Variants in ISM2 observed in about 807,000 individuals in gnomAD.
The protein encoded by ISM2 is isthmin-2.
Under a neutral mutation model 58.0 loss-of-function variants are expected in ISM2, and 50 were observed. The observed-to-expected ratio is 0.86, with a 90% confidence interval of 0.69 to 1.09. The LOEUF (loss-of-function observed/expected upper bound fraction) is 1.09. Among genes scored for constraint, ISM2 ranks in the 50% least tolerant of loss-of-function variants. The pLI is 0.00. For synonymous variants in ISM2, 303 were observed against 312.4 expected (o/e 0.97, Z 0.32); for missense variants, 723 against 745.0 (o/e 0.97, Z 0.34).
Position 77,484,452 on chromosome 14 carries a change from C to T in ISM2, c.498G>A (p.Glu166=). Residue 166 remains glutamate, a synonymous_variant, in exon 3 of 7, where the codon GAG becomes GAA. Coordinates refer to ENST00000342219, the MANE Select transcript of ISM2 (RefSeq NM_199296.3). The part of the protein sequence containing the change: ...LHQHGCWTVT[E]PAALTPGNAT... Reference sequence around the variant, plus strand: ...CATTCCCTGGGGTCAGGGCTGCTGGCTCAGTGACAGTCCAACATCCATGTT... The same window carrying T: ...CATTCCCTGGGGTCAGGGCTGCTGGTTCAGTGACAGTCCAACATCCATGTT... 2 of 1,611,998 alleles carry T rather than the reference C, an allele frequency of 1.2e-6. No homozygotes were observed. The highest frequency in any genetic ancestry group is 8.5e-7 in the Non-Finnish European group (1 of 1,179,184).
In ISM2 at chr14:77,478,313, T is replaced by C. The variant is rs1457897929; in HGVS notation, c.1127A>G (p.Lys376Arg). Residue 376 changes from lysine (K) to arginine (R), a missense_variant, in exon 6 of 7, where the codon AAG becomes AGG. Lys to Arg is a conservative substitution (Grantham distance 26). Transcript: ENST00000342219. ...CTCACTGGGGAGGCCCAAGGTGTCC[T>C]TGTCCTCAGTGCCTTTGGGAGGAAA... ...DLPSCPGTED[K>R]DTLGLPSEEW... The C allele has an allele frequency of 1.2e-6, 2 of 1,614,040 alleles. No homozygotes were observed. The highest frequency in any genetic ancestry group is 1.3e-5 in the African/African-American group (1 of 75,044).
chr14:77,475,823 C>G lies in ISM2; in HGVS notation c.1488G>C (p.Glu496Asp). The change falls in exon 7 of 7, where the codon GAG becomes GAC. Residue 496 changes from glutamate (E) to aspartate (D), a missense_variant. Glu to Asp is a conservative substitution (Grantham distance 45). Coordinates refer to ENST00000342219, the MANE Select transcript of ISM2 (RefSeq NM_199296.3). This position sits in a 1 kb window ranked among gnomAD's most constrained non-coding sequence, Gnocchi z 4.1. ...TLAAQHCCYDEDSRLLTRGKG... is the reference protein window; with the variant it reads ...TLAAQHCCYDDDSRLLTRGKG... ...TGCCACGGGTCAGCAGCCGGCTGTC[C>G]TCGTCATAGCAGCAGTGCTGGGCGG... 6.2e-7 allele frequency: 1 copy of G among 1,612,446 alleles called. No individual in the cohort carries two copies. Among genetic ancestry groups the G allele is most frequent in the Non-Finnish European group, 8.5e-7 (1 of 1,179,724 alleles).
intron 1 of ISM2, among the ~76,000 whole-genome samples, chr14:77,496,877 C>T (rs2079245712): frequency 1.4e-5 from 2 of 141,808 alleles, no homozygotes; most frequent in Non-Finnish European, 3.0e-5. Context: ...TAAAAGACTC[C>T]TTAAGGGGGC....
intron 3 of ISM2, among the ~76,000 whole-genome samples, chr14:77,483,351 A>T (rs920945908): frequency 6.6e-6 from 1 of 152,156 alleles, no homozygotes; most frequent in Admixed American, 6.6e-5. Flanking sequence ...CGAGGTCAAG[A>T]GTTCGAGACC....
At chr14:77,486,299 T>C (rs1330080512) in intron 1 of ISM2, among the ~76,000 whole-genome samples, 2 of 152,162 alleles carry the variant, frequency 1.3e-5, no homozygotes, top group South Asian at 2.1e-4. Flanking sequence ...GGAAACAGAT[T>C]CAGAATCTTC....
At chr14:77,491,691 CTTTTT>C (rs777579764) in intron 1 of ISM2, among the ~76,000 whole-genome samples, 3 of 105,268 alleles carry the variant, frequency 2.8e-5, no homozygotes, top group Non-Finnish European at 3.8e-5. Flanking sequence ...CGCGTCTGGT[CTTTTT>C]TTTTTTTTTT....
rs773101889 is a variant in ISM2 at position 77,475,795 on chromosome 14, C to T, written c.1516G>A (p.Gly506Ser). The T allele has an allele frequency of 1.2e-6, 2 of 1,613,390 alleles. No individual in the cohort carries two copies. The highest frequency in any genetic ancestry group is 2.2e-5 in the East Asian group (1 of 44,894). The change falls in exon 7 of 7, where the codon GGC becomes AGC. Residue 506 changes from glycine to serine, a missense_variant. Physicochemically the swap from Gly to Ser is moderately conservative, Grantham distance 56 (BLOSUM62 0). Transcript: ENST00000342219. The surrounding 1 kb of genome is among the most constrained non-coding windows in gnomAD (Gnocchi z 4.1). ...CTGATGAGGTTGGGCATGCCGGCGC[C>T]CTTGCCACGGGTCAGCAGCCGGCTG... The part of the protein sequence containing the change: ...EDSRLLTRGK[G>S]AGMPNLISTD...
At chr14:77,488,722 T>A (rs796107026) in intron 1 of ISM2, among the ~76,000 whole-genome samples, 4 of 152,296 alleles carry the variant, frequency 2.6e-5, no homozygotes, top group African/African-American at 7.2e-5. Context: ...CAGATGGTAC[T>A]CAGAAGGCAG....
At position 77,478,619 on chromosome 14, in the gene ISM2, C is replaced by T; in HGVS notation, c.1070G>A (p.Cys357Tyr). Reference sequence around the variant, plus strand: ...ACAGGTACGGGTCTCGGTGGCAGTGCAGCCATAGCCACAGGGCCGAGTCCT... The same window carrying T: ...ACAGGTACGGGTCTCGGTGGCAGTGTAGCCATAGCCACAGGGCCGAGTCCT... ...QQRTRPCGYG[C>Y]TATETRTCDL... The change falls in exon 5 of 7, where the codon TGC becomes TAC. Residue 357 changes from cysteine (C) to tyrosine (Y), a missense_variant. Transcript: ENST00000342219. The T allele has an allele frequency of 6.2e-7, 1 of 1,609,860 alleles. No individual in the cohort carries two copies.
At chr14:77,483,100 C>G (rs1451903085) in intron 3 of ISM2, among the ~76,000 whole-genome samples, 1 of 152,166 alleles carries the variant, frequency 6.6e-6, no homozygotes, top group African/African-American at 2.4e-5. Flanking sequence ...CACAGCAGCC[C>G]TTGGAGGAAC....
intron 1 of ISM2, chr14:77,498,159 G>C: frequency 3.2e-6 from 3 of 935,796 alleles, no homozygotes; most frequent in Non-Finnish European, 4.3e-6. Context: ...GTCTCAGGCT[G>C]GCCACCCCTG....
At chr14:77,492,109 A>G (rs548665984) in intron 1 of ISM2, among the ~76,000 whole-genome samples, 1 of 146,664 alleles carries the variant, frequency 6.8e-6, no homozygotes, top group African/African-American at 2.5e-5. Flanking sequence ...CAATCCTCCC[A>G]CCTTGGCCTT....
Position 77,478,660 on chromosome 14 carries a change from G to A in ISM2, c.1029C>T (p.Ser343=), listed in dbSNP as rs201764636. 1.5e-5 allele frequency: 24 copies of A among 1,613,700 alleles called. No individual in the cohort carries two copies. Among genetic ancestry groups the A allele is most frequent in the East Asian group, 6.7e-5 (3 of 44,878 alleles). ...SPWSPCSGNC[S]TGKQQRTRPC... ...GCCGAGTCCTCTGCTGCTTGCCAGTGCTGCAGTTCCCACTGCAGGGAGACC... is the reference window on the plus strand; with the variant it reads ...GCCGAGTCCTCTGCTGCTTGCCAGTACTGCAGTTCCCACTGCAGGGAGACC... The change falls in exon 5 of 7, where the codon AGC becomes AGT. Residue 343 remains serine, a synonymous_variant. Coordinates refer to ENST00000342219, the MANE Select transcript of ISM2 (RefSeq NM_199296.3).
intron 1 of ISM2, among the ~76,000 whole-genome samples, chr14:77,486,888 T>C (rs1377869858): frequency 6.6e-6 from 1 of 151,336 alleles, no homozygotes; most frequent in African/African-American, 2.4e-5. Flanking sequence ...TAGCCTGCAG[T>C]GCACAAGGCC....
At chr14:77,490,970 G>T (rs1164225702) in intron 1 of ISM2, among the ~76,000 whole-genome samples, 1 of 152,246 alleles carries the variant, frequency 6.6e-6, no homozygotes, top group Non-Finnish European at 1.5e-5. Context: ...GCACCACACA[G>T]ACCTAGGTTC....
intron 1 of ISM2, 139 bp from the exon 2 acceptor site, chr14:77,485,058 A>C (rs2079159558): frequency 1.1e-6 from 1 of 883,534 alleles, no homozygotes; most frequent in African/African-American, 1.7e-5. Flanking sequence ...ATCTCTCTGG[A>C]GTGTGTATCT....
intron 1 of ISM2, among the ~76,000 whole-genome samples, chr14:77,496,805 A>G (rs2079244696): frequency 1.3e-5 from 1 of 76,832 alleles, no homozygotes; most frequent in African/African-American, 5.7e-5. Context: ...TCAGGAAAAA[A>G]AAAAAAAAAA....
chr14:77,489,199 C>T (rs575159664), intron 1 of ISM2, among the ~76,000 whole-genome samples: 1 of 152,298 alleles, frequency 6.6e-6, no homozygotes, highest in South Asian at 2.1e-4. Flanking sequence ...TCCCTGTTCT[C>T]CCTTCTCCTT....
intron 4 of ISM2, among the ~76,000 whole-genome samples, chr14:77,482,104 C>T (rs1468048319): frequency 6.7e-6 from 1 of 150,000 alleles, no homozygotes; most frequent in Non-Finnish European, 1.5e-5. Context: ...CAGAGCGAGA[C>T]CCAATCTCAA....
Sources: gnomAD v4.1 joint callset for allele counts (sites outside exome capture counted in the v4.1 genomes callset) on GRCh38, gnomAD v4.1.1 for gene constraint, Gnocchi (gnomAD v3.1) non-coding constraint, MANE v1.5 for transcripts, NCBI Gene and HGNC (gene_info 2026-07-23, HGNC 2026-07-21) for gene names.